NECTIN3: variants seen among roughly 807,000 people sequenced by gnomAD.
NECTIN3 encodes the protein nectin-3.
In NECTIN3, 8 loss-of-function variants were observed where a neutral mutation model predicts 49.4. The observed-to-expected ratio is 0.16, with a 90% confidence interval of 0.10 to 0.29. The LOEUF is 0.29. Among genes scored for constraint, NECTIN3 ranks in the 10% least tolerant of loss-of-function variants. The pLI, the probability that NECTIN3 is intolerant of heterozygous loss-of-function variation, is 1.00. For missense variants in NECTIN3, 581 were observed against 654.6 expected (o/e 0.89, Z 1.23); for synonymous variants, 277 against 241.1 (o/e 1.15, Z -1.38).
At chr3:111,125,641 G>T (rs982633894) in intron 4 of NECTIN3, among the ~76,000 whole-genome samples, 2 of 152,108 alleles carry the variant, frequency 1.3e-5, no homozygotes, top group African/African-American at 4.8e-5. Flanking sequence ...TTATTTTATA[G>T]GAAGACCCAT....
intron 7 of NECTIN3, among the ~76,000 whole-genome samples, chr3:111,166,440 A>G (rs2035321506): frequency 6.6e-6 from 1 of 152,210 alleles, no homozygotes; most frequent in Non-Finnish European, 1.5e-5. Context: ...AGGAAATTGA[A>G]TAATGCCCAA....
At chr3:111,094,345 A>G (rs1576089753) in intron 1 of NECTIN3, among the ~76,000 whole-genome samples, 1 of 152,334 alleles carries the variant, frequency 6.6e-6, no homozygotes, top group East Asian at 1.9e-4. Context: ...GAAAATGGAA[A>G]TATAAGTGGA....
rs762019296 is a variant in NECTIN3 at position 111,072,026 on chromosome 3, G to A, written c.9G>A (p.Arg3=). 5.2e-6 allele frequency: 8 copies of A among 1,526,046 alleles called. No individual in the cohort carries two copies. The highest frequency in any genetic ancestry group is 5.3e-6 in the Non-Finnish European group (6 of 1,136,692). 94.5% of individuals were successfully genotyped at this position (1,526,046 alleles called of 1,614,324 possible). The change falls in exon 1 of 6, where the codon CGG becomes CGA. Residue 3 remains arginine (R), a synonymous_variant. Coordinates refer to ENST00000485303, the MANE Select transcript of NECTIN3 (RefSeq NM_015480.3). MA[R]TLRPSPLCPG... ...CGGGGGGAGGGTGGGGGATGGCGCG[G>A]ACCCTGCGGCCGTCCCCGCTGTGTC...
chr3:111,085,403 C>T (rs962687424), intron 1 of NECTIN3, among the ~76,000 whole-genome samples: 1 of 152,112 alleles, frequency 6.6e-6, no homozygotes, highest in Admixed American at 6.5e-5. Flanking sequence ...TTGAGAGAGA[C>T]TCATGAAATA....
chr3:111,183,412 A>G (rs1464427044), intron 7 of NECTIN3, among the ~76,000 whole-genome samples: 3 of 151,876 alleles, frequency 2.0e-5, no homozygotes, highest in Non-Finnish European at 4.4e-5. Context: ...CCCAGGTTCA[A>G]GTGATTCTCC....
chr3:111,116,640 A>G (rs749871588), intron 2 of NECTIN3, among the ~76,000 whole-genome samples: 4 of 152,080 alleles, frequency 2.6e-5, no homozygotes, highest in Non-Finnish European at 4.4e-5. Flanking sequence ...GTTTTCCCAA[A>G]TTTATGTAGA....
intron 5 of NECTIN3, among the ~76,000 whole-genome samples, chr3:111,128,194 C>T (rs916814573): frequency 5.3e-5 from 8 of 151,608 alleles, no homozygotes; most frequent in East Asian, 1.9e-4. Context: ...AAAAATTAGC[C>T]GGCATGGTGG....
upstream of NECTIN3, chr3:111,192,287 T>A: frequency 3.6e-6 from 5 of 1,373,722 alleles, no homozygotes; most frequent in Non-Finnish European, 5.0e-6. Context: ...AAAATAGGAA[T>A]CTTAGTGGTT....
chr3:111,113,040 T>C (rs904568404), intron 2 of NECTIN3, among the ~76,000 whole-genome samples: 1 of 152,206 alleles, frequency 6.6e-6, no homozygotes, highest in Non-Finnish European at 1.5e-5. Context: ...CACATGAAGA[T>C]CTACTGCCTA....
chr3:111,107,975 A>G (rs996118870), intron 1 of NECTIN3, among the ~76,000 whole-genome samples: 1 of 152,182 alleles, frequency 6.6e-6, no homozygotes, highest in African/African-American at 2.4e-5. Flanking sequence ...AGGGAGGGCC[A>G]AATTTATTAA....
chr3:111,127,408 C>T (rs540361945), intron 5 of NECTIN3, among the ~76,000 whole-genome samples: 9 of 150,566 alleles, frequency 6.0e-5, no homozygotes, highest in East Asian at 1.9e-4. Context: ...GCTTTATTCA[C>T]GACTGTATAC....
chr3:111,103,700 TGA>T (rs766773454), intron 1 of NECTIN3, among the ~76,000 whole-genome samples: 8 of 152,054 alleles, frequency 5.3e-5, no homozygotes, highest in African/African-American at 1.4e-4. Context: ...AAAGGAGTAG[TGA>T]GAGGGGAAAT....
chr3:111,174,685 GCCTGTTC>G (rs2035493124), intron 7 of NECTIN3, among the ~76,000 whole-genome samples: 1 of 141,298 alleles, frequency 7.1e-6, no homozygotes, highest in Non-Finnish European at 1.5e-5. Flanking sequence ...GTTGTGGCTT[GCCTGTTC>G]CATCGCCACT....
intron 1 of NECTIN3, among the ~76,000 whole-genome samples, chr3:111,094,441 G>A (rs1479271458): frequency 6.6e-6 from 1 of 152,100 alleles, no homozygotes; most frequent in Non-Finnish European, 1.5e-5. Flanking sequence ...CATCAGTGCT[G>A]TGAGGAGTTA....
intron 1 of NECTIN3, chr3:111,075,162 T>C (rs2031092275): frequency 6.6e-6 from 1 of 152,132 alleles, no homozygotes; most frequent in Non-Finnish European, 1.5e-5. Flanking sequence ...GGGTTCGACC[T>C]AAAGGAAACA....
chr3:111,127,192 T>A (rs2034197324), intron 5 of NECTIN3, among the ~76,000 whole-genome samples: 1 of 152,206 alleles, frequency 6.6e-6, no homozygotes, highest in South Asian at 2.1e-4. Context: ...GTTAAGGGTT[T>A]TATCTTTGTT....
rs367669598 is a variant in NECTIN3 at position 111,072,817 on chromosome 3, TACCA to T, written c.160+642_160+645del. On this transcript the variant is annotated intron_variant, in intron 1 of 5. Coordinates refer to ENST00000485303, the MANE Select transcript of NECTIN3 (RefSeq NM_015480.3). ...TCTCTCACACTGCCCGTGCTTATTTTACCAAACCGCAGGAACAAGATTTACGTGT... is the reference window on the plus strand; with the variant it reads ...TCTCTCACACTGCCCGTGCTTATTTTAACCGCAGGAACAAGATTTACGTGT... 999 of 426,868 alleles carry T rather than the reference TACCA, an allele frequency of 2.3e-3. 19 individuals are homozygous for T. The highest frequency in any genetic ancestry group is 0.015 in the South Asian group (565 of 38,668). 26.4% of individuals were successfully genotyped at this position (426,868 alleles called of 1,614,324 possible). A position where few individuals can be genotyped will look rare whatever the true frequency, so the allele number is the denominator to read the frequency against.
chr3:111,148,433 G>A (rs1056987467), intron 7 of NECTIN3, among the ~76,000 whole-genome samples: 3 of 152,190 alleles, frequency 2.0e-5, no homozygotes, highest in Non-Finnish European at 4.4e-5. Context: ...TGGTGAAGAT[G>A]TGCCATGTTT....
chr3:111,160,801 A>G (rs1386702815), intron 7 of NECTIN3, among the ~76,000 whole-genome samples: 1 of 152,162 alleles, frequency 6.6e-6, no homozygotes, highest in African/African-American at 2.4e-5. Flanking sequence ...AGGTCGGGAG[A>G]TCGAGACCAT....
Sources: gnomAD v4.1 joint callset for allele counts (sites outside exome capture counted in the v4.1 genomes callset) on GRCh38, gnomAD v4.1.1 for gene constraint, MANE v1.5 for transcripts, NCBI Gene and HGNC (gene_info 2026-07-23, HGNC 2026-07-21) for gene names.